AKAIN1: variants seen among roughly 807,000 people sequenced by gnomAD.
The protein encoded by AKAIN1 is A-kinase anchor inhibitor 1.
A neutral mutation model predicts 3.7 loss-of-function variants in AKAIN1; 3 were observed. The ratio of observed to expected loss-of-function variants is 0.82; its 90% CI spans 0.37 to 2.12. The LOEUF is 2.12. Among genes scored for constraint, AKAIN1 ranks in the 30% most tolerant of loss-of-function variants. The pLI is 0.06. For missense variants in AKAIN1, 82 were observed against 82.7 expected (o/e 0.99, Z 0.03); for synonymous variants, 31 against 30.8 (o/e 1.01, Z -0.02).
chr18:5,145,707 CT>C lies in AKAIN1; in HGVS notation c.64del (p.Ser22AlafsTer41), dbSNP rs2071045216. The C allele has an allele frequency of 1.3e-6, 2 of 1,551,558 alleles. No homozygotes were observed. Among genetic ancestry groups the C allele is most frequent in the Non-Finnish European group, 1.7e-6 (2 of 1,146,888 alleles). ...GATTGCATTCTGCACAATCTGTTTG[CT>C]GGCATTCTGCAGCTTCACCTCTTCA... ...EPEEVKLQNA[S>X]KQIVQNAILQ... On this transcript the variant is annotated frameshift_variant, in exon 2 of 2. Coordinates refer to ENST00000434239, the MANE Select transcript of AKAIN1 (RefSeq NM_001145194.2). LOFTEE classifies it low-confidence loss of function (END_TRUNC).
chr18:5,190,130 A>G (rs2071310830), intron 1 of AKAIN1, among the ~76,000 whole-genome samples: 1 of 152,182 alleles, frequency 6.6e-6, no homozygotes, highest in Non-Finnish European at 1.5e-5. Flanking sequence ...GGCTGAAATC[A>G]TCCTCTTATC....
intron 1 of AKAIN1, 149 bp downstream of exon 1, chr18:5,196,889 C>G (rs7240473): frequency 0.22 from 161,479 of 725,804 alleles, 19,969 homozygotes; most frequent in Middle Eastern, 0.3. Context: ...GGCGACGCGC[C>G]GAGGCACTCC....
intron 1 of AKAIN1, among the ~76,000 whole-genome samples, chr18:5,179,093 G>T (rs2085493055): frequency 6.6e-6 from 1 of 152,066 alleles, no homozygotes; most frequent in Non-Finnish European, 1.5e-5. Flanking sequence ...GTGCAATTTT[G>T]TTACAAGAAT....
At chr18:5,188,819 C>A (rs567613495) in intron 1 of AKAIN1, among the ~76,000 whole-genome samples, 1 of 152,206 alleles carries the variant, frequency 6.6e-6, no homozygotes, top group South Asian at 2.1e-4. Context: ...ATTTTGTAAG[C>A]TCAGAGCTGC....
chr18:5,197,504 C>CAAA (rs10651301), upstream of AKAIN1: 13,667 of 831,916 alleles, frequency 0.016, 287 homozygotes, highest in South Asian at 0.022. This position sits in a 1 kb window ranked among gnomAD's most constrained non-coding sequence, Gnocchi z 6.9. Context: ...ATAGATTTGT[C>CAAA]AAAAAAAAAA....
At chr18:5,196,557 C>T (rs1263211322) in intron 1 of AKAIN1, among the ~76,000 whole-genome samples, 3 of 152,240 alleles carry the variant, frequency 2.0e-5, no homozygotes, top group Non-Finnish European at 4.4e-5. Context: ...TCGTCCTACT[C>T]CCCTTGGCTT....
At chr18:5,149,401 C>A (rs777696030) in intron 1 of AKAIN1, among the ~76,000 whole-genome samples, 1 of 152,116 alleles carries the variant, frequency 6.6e-6, no homozygotes, top group Non-Finnish European at 1.5e-5. Flanking sequence ...GGGGAGGGGA[C>A]CATGAAAATA....
chr18:5,174,666 T>C (rs1024148383), intron 1 of AKAIN1, among the ~76,000 whole-genome samples: 1 of 151,952 alleles, frequency 6.6e-6, no homozygotes. Context: ...GCTTAAAGCC[T>C]GGAGGTGAAG....
intron 1 of AKAIN1, among the ~76,000 whole-genome samples, chr18:5,150,661 G>A (rs953554841): frequency 4.6e-5 from 7 of 152,022 alleles, no homozygotes; most frequent in African/African-American, 1.5e-4. Context: ...ATGGGGATCC[G>A]GCCTTCCACA....
chr18:5,191,490 GA>G (rs2071318259), intron 1 of AKAIN1, among the ~76,000 whole-genome samples: 1 of 152,084 alleles, frequency 6.6e-6, no homozygotes, highest in Non-Finnish European at 1.5e-5. Context: ...ATGAAATGAA[GA>G]AGAGCTAAAT....
chr18:5,197,484 G>A, upstream of AKAIN1: 6 of 766,064 alleles, frequency 7.8e-6, no homozygotes, highest in Non-Finnish European at 9.8e-6. This position sits in a 1 kb window ranked among gnomAD's most constrained non-coding sequence, Gnocchi z 6.9. Flanking sequence ...ATATTGGACT[G>A]ACATTTAAGA....
Position 5,143,212 on chromosome 18 carries a change from T to C in AKAIN1, c.*2350A>G, listed in dbSNP as rs1266169897. ...AGGCCCCTTGTAAAATCTAGTAACT[T>C]TTTCTTCATACTGAAAGATCTGTAA... On this transcript the variant is annotated 3_prime_UTR_variant, in exon 2 of 2. Coordinates refer to ENST00000434239, the MANE Select transcript of AKAIN1 (RefSeq NM_001145194.2). Among the ~76,000 whole-genome samples the C allele has an allele frequency of 6.6e-6, 1 of 152,224 alleles. No individual in the cohort carries two copies. Among genetic ancestry groups the C allele is most frequent in the East Asian group, 1.9e-4 (1 of 5,200 alleles).
At chr18:5,175,199 C>A (rs1455627781) in intron 1 of AKAIN1, among the ~76,000 whole-genome samples, 1 of 152,076 alleles carries the variant, frequency 6.6e-6, no homozygotes, top group East Asian at 1.9e-4. Context: ...CCTTGCCTCC[C>A]CATTTGTATA....
At chr18:5,162,625 CGTGTGTGTGT>C (rs150673471) in intron 1 of AKAIN1, among the ~76,000 whole-genome samples, 2,478 of 145,820 alleles carry the variant, frequency 0.017, 52 homozygotes, top group African/African-American at 0.05. Flanking sequence ...CAATGTGATG[CGTGTGTGTGT>C]GTGTGTGTGT....
At chr18:5,184,430 T>G (rs1019583555) in intron 1 of AKAIN1, among the ~76,000 whole-genome samples, 1 of 152,018 alleles carries the variant, frequency 6.6e-6, no homozygotes, top group Non-Finnish European at 1.5e-5. Flanking sequence ...TATGATTCTA[T>G]CCCTAGAAAA....
At chr18:5,185,503 A>T (rs2143026068) in intron 1 of AKAIN1, among the ~76,000 whole-genome samples, 1 of 152,306 alleles carries the variant, frequency 6.6e-6, no homozygotes, top group Non-Finnish European at 1.5e-5. Context: ...TTCACAAGCA[A>T]AAAATAAACA....
At chr18:5,160,494 T>G (rs2071133213) in intron 1 of AKAIN1, among the ~76,000 whole-genome samples, 1 of 152,180 alleles carries the variant, frequency 6.6e-6, no homozygotes, top group African/African-American at 2.4e-5. Flanking sequence ...CAGCAGATAC[T>G]TCTATGGCCC....
At chr18:5,159,767 C>G (rs1308342358) in intron 1 of AKAIN1, among the ~76,000 whole-genome samples, 1 of 152,158 alleles carries the variant, frequency 6.6e-6, no homozygotes, top group Non-Finnish European at 1.5e-5. Flanking sequence ...AGCCACCACT[C>G]AATTTAAGAA....
In AKAIN1 at chr18:5,164,042, C is replaced by T. The variant is rs536397841; in HGVS notation, c.17-18287G>A. ...ATCAAGTGAACAGAAATGACCATTA[C>T]TCTTTTGAATATATATCATAGGTAG... On this transcript the variant is annotated intron_variant, in intron 1 of 1. Coordinates refer to ENST00000434239, the MANE Select transcript of AKAIN1 (RefSeq NM_001145194.2). Among the ~76,000 whole-genome samples, 39 of 152,124 alleles carry T rather than the reference C, an allele frequency of 2.6e-4. No individual in the cohort carries two copies. In the South Asian group the frequency reaches 7.9e-3, roughly 31 times the overall value.
Sources: allele counts gnomAD v4.1 joint callset (sites outside exome capture counted in the v4.1 genomes callset), GRCh38; gene constraint gnomAD v4.1.1; non-coding constraint Gnocchi (gnomAD v3.1); transcripts MANE v1.5; gene names NCBI Gene and HGNC (gene_info 2026-07-23, HGNC 2026-07-21).